Variants in RPS27A observed in about 807,000 individuals in gnomAD.
RPS27A encodes ubiquitin-ribosomal protein eS31 fusion protein.
RPS27A carries 1 observed loss-of-function variant against 18.9 expected under a neutral mutation model. That is an observed-to-expected ratio of 0.05 (90% CI 0.02 to 0.25). The LOEUF (loss-of-function observed/expected upper bound fraction) is 0.25. Among genes scored for constraint, RPS27A ranks in the 10% least tolerant of loss-of-function variants. RPS27A has a pLI of 1.00. For missense variants in RPS27A, 123 were observed against 187.4 expected (o/e 0.66, Z 2.01); for synonymous variants, 77 against 63.7 (o/e 1.21, Z -0.99).
chr2:55,235,242 A>G (rs775826052), intron 5 of RPS27A, 186 bp from the exon 6 acceptor site: 27 of 768,510 alleles, frequency 3.5e-5, no homozygotes, highest in Non-Finnish European at 5.7e-5. Flanking sequence ...TAGTGTTCAA[A>G]AGTCCCAAGA....
At position 55,234,114 on chromosome 2, in the gene RPS27A, A is replaced by G. The variant is rs745483268; in HGVS notation, c.104-5A>G. 5 of 1,612,054 alleles carry G rather than the reference A, an allele frequency of 3.1e-6. No individual in the cohort carries two copies. In the South Asian group the frequency reaches 4.4e-5, roughly 14 times the overall value. On this transcript the variant is annotated splice_polypyrimidine_tract_variant and splice_region_variant and intron_variant, in intron 3 of 5. Transcript: ENST00000272317. ...TGTGACTTAATTTTTGTTTTTTGTCATTAGGAATTCCTCCTGATCAGCAGA... is the reference window on the plus strand; with the variant it reads ...TGTGACTTAATTTTTGTTTTTTGTCGTTAGGAATTCCTCCTGATCAGCAGA...
Position 55,234,144 on chromosome 2 carries a change from G to A in RPS27A, c.129G>A (p.Leu43=), listed in dbSNP as rs768546951. The change falls in exon 4 of 6, where the codon CTG becomes CTA. Residue 43 remains leucine, a synonymous_variant. Transcript: ENST00000272317. ...GAATTCCTCCTGATCAGCAGAGACT[G>A]ATCTTTGCTGGCAAGCAGCTGGAAG... ...KEGIPPDQQR[L]IFAGKQLEDG... The A allele has an allele frequency of 2.5e-6, 4 of 1,613,670 alleles. No homozygotes were observed. Among genetic ancestry groups the A allele is most frequent in the Non-Finnish European group, 2.5e-6 (3 of 1,179,614 alleles).
chr2:55,234,280 G>T, intron 4 of RPS27A, 76 bp downstream of exon 4: 1 of 1,008,084 alleles, frequency 9.9e-7, no homozygotes, highest in South Asian at 1.3e-5. Flanking sequence ...CTTTTTTTGA[G>T]ACAGGCTCTG....
At chr2:55,233,242 G>C in intron 2 of RPS27A, 121 bp from the exon 3 acceptor site, 4 of 843,384 alleles carry the variant, frequency 4.7e-6, no homozygotes, top group East Asian at 2.6e-5. Context: ...GTGGGTAATA[G>C]GTCTCTCGAG....
Position 55,235,681 on chromosome 2 carries a change from T to G in RPS27A, c.*104T>G, listed in dbSNP as rs1054864734. Reference sequence around the variant, plus strand: ...CAAATTGATGGTCACACCATTTCCTTTTAGTAGTGCTACTGCTATCGCTGT... The same window carrying G: ...CAAATTGATGGTCACACCATTTCCTGTTAGTAGTGCTACTGCTATCGCTGT... On this transcript the variant is annotated 3_prime_UTR_variant, in exon 6 of 6. Transcript: ENST00000272317. 30 of 1,285,876 alleles carry G rather than the reference T, an allele frequency of 2.3e-5. No individual in the cohort carries two copies. Among genetic ancestry groups the G allele is most frequent in the Non-Finnish European group, 3.3e-5 (30 of 898,502 alleles). The allele number at this position is 1,285,876 out of a possible 1,614,324, so 79.7% of individuals were successfully genotyped here. A position where few individuals can be genotyped will look rare whatever the true frequency, so the allele number is the denominator to read the frequency against.
At chr2:55,233,627 C>T in intron 3 of RPS27A, 1 of 583,926 alleles carries the variant, frequency 1.7e-6, no homozygotes, top group Non-Finnish European at 3.1e-6. Context: ...TGAATTTGGA[C>T]ACTTATTTAT....
At chr2:55,233,529 C>T (rs1429511668) in intron 3 of RPS27A, 112 bp downstream of exon 3, 2 of 763,508 alleles carry the variant, frequency 2.6e-6, no homozygotes, top group East Asian at 2.6e-5. Flanking sequence ...ATTGACAAAG[C>T]GAAATACTTG....
chr2:55,235,154 ATG>A, intron 5 of RPS27A, 192 bp downstream of exon 5: 1 of 739,406 alleles, frequency 1.4e-6, no homozygotes, highest in Non-Finnish European at 2.2e-6. Flanking sequence ...GAAATCAGTT[ATG>A]TAATAGGGTT....
At position 55,235,711 on chromosome 2, in the gene RPS27A, A is replaced by T. The variant is rs1675757125; in HGVS notation, c.*134A>T. The stretch of plus-strand genomic sequence containing the variant: ...TAGTGCTACTGCTATCGCTGTGTGA[A>T]TGTTGCCTCTGGGGATTATGTGACC... On this transcript the variant is annotated 3_prime_UTR_variant, in exon 6 of 6. Transcript: ENST00000272317. The T allele has an allele frequency of 7.7e-6, 8 of 1,036,674 alleles. No individual in the cohort carries two copies. The highest frequency in any genetic ancestry group is 1.9e-5 in the Admixed American group (1 of 52,666). The allele number at this position is 1,036,674 out of a possible 1,614,324, so 64.2% of individuals were successfully genotyped here. A position where few individuals can be genotyped will look rare whatever the true frequency, so the allele number is the denominator to read the frequency against.
At chr2:55,232,657 G>A (rs187450927), upstream of RPS27A, 78 of 715,258 alleles carry the variant, frequency 1.1e-4, no homozygotes, top group Middle Eastern at 1.1e-3. Flanking sequence ...GGGAGCTCCG[G>A]GAAACCCCGT....
chr2:55,232,190 C>T (rs531831818), upstream of RPS27A: 73 of 161,794 alleles, frequency 4.5e-4, no homozygotes, highest in Non-Finnish European at 8.0e-4. Context: ...CCCGTTCCCA[C>T]GCTCCGGAAA....
chr2:55,232,579 G>A, upstream of RPS27A: 2 of 584,266 alleles, frequency 3.4e-6, no homozygotes, highest in Non-Finnish European at 3.1e-6. Context: ...GTCTGGCACC[G>A]GGTTGGATTG....
At position 55,235,608 on chromosome 2, in the gene RPS27A, CATTT is replaced by C. The variant is rs1337371845; in HGVS notation, c.*35_*38del. Reference sequence around the variant, plus strand: ...TGAGTTAATAAAAGACATGAACTAACATTTATTGTTGGGTTTTATTGCAGTAAAA... The same window carrying C: ...TGAGTTAATAAAAGACATGAACTAACATTGTTGGGTTTTATTGCAGTAAAA... On this transcript the variant is annotated 3_prime_UTR_variant, in exon 6 of 6. Coordinates refer to ENST00000272317, the MANE Select transcript of RPS27A (RefSeq NM_002954.6). The C allele has an allele frequency of 3.1e-6, 5 of 1,597,136 alleles. No individual in the cohort carries two copies. In the South Asian group the frequency reaches 5.5e-5, roughly 18 times the overall value.
At chr2:55,233,337 A>C in intron 2 of RPS27A, 26 bp from the exon 3 acceptor site, 1 of 1,587,074 alleles carries the variant, frequency 6.3e-7, no homozygotes, top group Non-Finnish European at 8.7e-7. Flanking sequence ...TGTGTAACCA[A>C]CATGCTTTCA....
At chr2:55,232,928 T>A in intron 2 of RPS27A, 56 bp downstream of exon 2, 2 of 1,379,530 alleles carry the variant, frequency 1.4e-6, no homozygotes, top group Non-Finnish European at 2.1e-6. Context: ...CTGAGGTGGA[T>A]TTTAGGACCG....
intron 2 of RPS27A, 36 bp from the exon 3 acceptor site, chr2:55,233,317 AGTTCCTTAAT>A: frequency 6.9e-7 from 1 of 1,456,258 alleles, no homozygotes; most frequent in Non-Finnish European, 9.7e-7. Context: ...GTTCTGCTGT[AGTTCCTTAAT>A]GTGTAACCAA....
At chr2:55,235,007 T>G in intron 5 of RPS27A, 45 bp downstream of exon 5, 1 of 1,602,938 alleles carries the variant, frequency 6.2e-7, no homozygotes, top group East Asian at 2.2e-5. Context: ...CTTGGCTTAT[T>G]TGGAAAACTT....
At chr2:55,232,596 G>C (rs139327606), upstream of RPS27A, 117 of 599,430 alleles carry the variant, frequency 2.0e-4, no homozygotes, top group East Asian at 2.5e-3. Context: ...ATTGTCGCTG[G>C]GACGGCAGTC....
chr2:55,232,823 A>C lies in RPS27A; in HGVS notation c.-2A>C. The stretch of plus-strand genomic sequence containing the variant: ...TCAACCTCAGGTGGAGCCGCCACCA[A>C]AATGCAGATTTTCGTGAAAACCCTT... On this transcript the variant is annotated 5_prime_UTR_variant, in exon 2 of 6. Coordinates refer to ENST00000272317, the MANE Select transcript of RPS27A (RefSeq NM_002954.6). 6.2e-7 allele frequency: 1 copy of C among 1,612,862 alleles called. No homozygotes were observed.
Sources: gnomAD v4.1 joint callset for allele counts on GRCh38, gnomAD v4.1.1 for gene constraint, MANE v1.5 for transcripts, NCBI Gene and HGNC (gene_info 2026-07-23, HGNC 2026-07-21) for gene names.